Variants in LUZP1 observed in about 807,000 individuals in gnomAD.
The protein encoded by LUZP1 is leucine zipper protein 1.
LUZP1 carries 25 observed loss-of-function variants against 71.3 expected under a neutral mutation model. That is an observed-to-expected ratio of 0.35 (90% CI 0.26 to 0.49). The LOEUF is 0.49. LUZP1 is among the 20% of genes least tolerant of loss of function. LUZP1 has a pLI of 0.99. For missense variants in LUZP1, 1,142 were observed against 1,300.8 expected, an observed-to-expected ratio of 0.88 and a Z score of 1.88; for synonymous variants, 481 against 506.4, an observed-to-expected ratio of 0.95 and a Z score of 0.67.
chr1:23,136,437 G>A (rs895405713), intron 2 of LUZP1, among the ~76,000 whole-genome samples: 1 of 152,056 alleles, frequency 6.6e-6, no homozygotes. Flanking sequence ...AAATGAGAGG[G>A]AGTATAATCT....
chr1:23,134,088 A>G (rs1644235385), intron 2 of LUZP1, among the ~76,000 whole-genome samples: 1 of 152,204 alleles, frequency 6.6e-6, no homozygotes, highest in South Asian at 2.1e-4. Context: ...TGAATAATTT[A>G]TGGCTGTTTT....
intron 2 of LUZP1, among the ~76,000 whole-genome samples, chr1:23,119,464 G>A (rs1232087008): frequency 6.6e-6 from 1 of 151,950 alleles, no homozygotes; most frequent in Non-Finnish European, 1.5e-5. Context: ...AACAAGCTAT[G>A]GGTGTGACCT....
intron 2 of LUZP1, among the ~76,000 whole-genome samples, chr1:23,113,237 A>C (rs1451316685): frequency 6.6e-6 from 1 of 152,112 alleles, no homozygotes; most frequent in Non-Finnish European, 1.5e-5. Context: ...CTCTACAAAA[A>C]ATGAAAATAA....
At chr1:23,114,522 T>G (rs1015881521) in intron 2 of LUZP1, among the ~76,000 whole-genome samples, 1 of 152,236 alleles carries the variant, frequency 6.6e-6, no homozygotes, top group Non-Finnish European at 1.5e-5. Context: ...ATGCCATCAC[T>G]GACTGAGTCG....
At chr1:23,148,044 C>CTGTA (rs1317089255) in intron 2 of LUZP1, among the ~76,000 whole-genome samples, 2 of 152,214 alleles carry the variant, frequency 1.3e-5, no homozygotes, top group Non-Finnish European at 2.9e-5. Context: ...GAGAGTCACT[C>CTGTA]TGTATGGCTT....
intron 2 of LUZP1, among the ~76,000 whole-genome samples, chr1:23,132,715 A>C (rs1306149018): frequency 6.6e-6 from 1 of 152,216 alleles, no homozygotes; most frequent in Non-Finnish European, 1.5e-5. Flanking sequence ...AGAGACACAG[A>C]TACTAACAGC....
intron 2 of LUZP1, among the ~76,000 whole-genome samples, chr1:23,121,815 C>G (rs1037763558): frequency 1.3e-5 from 2 of 151,912 alleles, no homozygotes; most frequent in Non-Finnish European, 2.9e-5. Flanking sequence ...AGTTTGAGAC[C>G]AGCCTGGCCA....
chr1:23,167,624 GTT>G (rs1644520287), intron 2 of LUZP1, among the ~76,000 whole-genome samples: 4 of 152,246 alleles, frequency 2.6e-5, no homozygotes. Context: ...GCTCTGCAGT[GTT>G]AGGAAAGGGG....
chr1:23,100,425 T>C (rs895733777), intron 3 of LUZP1, among the ~76,000 whole-genome samples: 8 of 152,210 alleles, frequency 5.3e-5, no homozygotes, highest in Non-Finnish European at 8.8e-5. Context: ...ACTTGCACAA[T>C]GTCTCAACCA....
chr1:23,145,468 CTTTTTTTT>C (rs869293750), intron 2 of LUZP1, among the ~76,000 whole-genome samples: 1 of 135,116 alleles, frequency 7.4e-6, no homozygotes, highest in African/African-American at 2.7e-5. Flanking sequence ...CTATTAATCT[CTTTTTTTT>C]TTTTTTTTTT....
intron 3 of LUZP1, among the ~76,000 whole-genome samples, chr1:23,098,524 T>C (rs1467312519): frequency 6.6e-6 from 1 of 152,116 alleles, no homozygotes; most frequent in Non-Finnish European, 1.5e-5. Flanking sequence ...GTAAAGGTGT[T>C]GCAAGGGTCA....
intron 2 of LUZP1, among the ~76,000 whole-genome samples, chr1:23,168,253 C>T (rs1644526620): frequency 6.7e-6 from 1 of 149,404 alleles, no homozygotes; most frequent in East Asian, 2.0e-4. Context: ...GCTGCAGCTC[C>T]CGGGCCCTTC....
chr1:23,141,398 G>A (rs1180221289), intron 2 of LUZP1, among the ~76,000 whole-genome samples: 5 of 152,188 alleles, frequency 3.3e-5, no homozygotes, highest in African/African-American at 1.2e-4. Flanking sequence ...CAAGAAGACA[G>A]GTGTGTCCTT....
chr1:23,124,458 C>A (rs1054735436), intron 2 of LUZP1, among the ~76,000 whole-genome samples: 4 of 152,138 alleles, frequency 2.6e-5, no homozygotes, highest in African/African-American at 9.7e-5. Context: ...TGGTACCAAG[C>A]AAAGAAACCA....
rs1317355746 is a variant in LUZP1, at chr1:23,139,019, A to AAATATATAT, written c.-226+29746_-226+29747insATATATATT. Reference sequence around the variant, plus strand: ...TCTCAAAAAAAAAAAAAAAAAAAAAAATATATATATATATATATATATATA... The same window carrying AAATATATAT: ...TCTCAAAAAAAAAAAAAAAAAAAAAAAATATATATATATATATATATATATATATATATA... On this transcript the variant is annotated intron_variant, in intron 2 of 4. Coordinates refer to ENST00000302291, the Ensembl canonical transcript of LUZP1. Among the ~76,000 whole-genome samples the AAATATATAT allele has an allele frequency of 2.4e-3, 146 of 59,946 alleles. 1 individual carries two copies. Among genetic ancestry groups the AAATATATAT allele is most frequent in the Non-Finnish European group, 3.0e-3 (110 of 37,224 alleles). The allele number at this position is 59,946 out of a possible 152,430, so 39.3% of individuals were successfully genotyped here.
intron 2 of LUZP1, among the ~76,000 whole-genome samples, chr1:23,122,945 G>A (rs891831683): frequency 3.3e-5 from 5 of 152,150 alleles, no homozygotes; most frequent in Non-Finnish European, 7.3e-5. Context: ...ACAACTGGAA[G>A]ACATGCTGAG....
At chr1:23,111,728 TTCC>T (rs1644034670) in intron 2 of LUZP1, among the ~76,000 whole-genome samples, 1 of 151,744 alleles carries the variant, frequency 6.6e-6, no homozygotes, top group Non-Finnish European at 1.5e-5. Flanking sequence ...TCCACAGACT[TTCC>T]GTCCTACCCC....
At chr1:23,105,575 AC>A (rs1300686860) in intron 3 of LUZP1, among the ~76,000 whole-genome samples, 1 of 152,208 alleles carries the variant, frequency 6.6e-6, no homozygotes, top group African/African-American at 2.4e-5. Context: ...TTAGACTAGT[AC>A]CTGGTCTATA....
upstream of LUZP1, chr1:23,177,838 C>T (rs1274909166): frequency 1.3e-5 from 2 of 152,294 alleles, no homozygotes; most frequent in Non-Finnish European, 2.9e-5. Flanking sequence ...GCAGGGCGTT[C>T]CCGCCAGCCG....
Sources: allele counts gnomAD v4.1 joint callset (sites outside exome capture counted in the v4.1 genomes callset), GRCh38; gene constraint gnomAD v4.1.1; transcripts MANE v1.5; gene names NCBI Gene and HGNC (gene_info 2026-07-23, HGNC 2026-07-21).